The following RBMS3 variants were observed in gnomAD, a reference collection of about 807,000 sequenced individuals.
RBMS3 encodes RNA-binding motif, single-stranded-interacting protein 3.
Under a neutral mutation model 66.8 loss-of-function variants are expected in RBMS3, and 27 were observed. The observed-to-expected ratio is 0.40, with a 90% CI of 0.30 to 0.56. The LOEUF (loss-of-function observed/expected upper bound fraction) is 0.56, where lower values mean the gene tolerates loss of function less well. Among genes scored for constraint, RBMS3 ranks in the 20% least tolerant of loss-of-function variants. RBMS3 has a pLI of 0.40. For missense variants in RBMS3, 513 were observed against 549.5 expected (o/e 0.93, Z 0.66); for synonymous variants, 188 against 183.0 (o/e 1.03, Z -0.22).
At chr3:29,346,142 C>T (rs1240574228) in intron 1 of RBMS3, among the ~76,000 whole-genome samples, 2 of 152,168 alleles carry the variant, frequency 1.3e-5, no homozygotes, top group East Asian at 3.9e-4. Context: ...CCCATATTGA[C>T]ATAAGACAGT....
At chr3:29,524,602 A>ATTTTTTTTTT (rs1273815210) in intron 3 of RBMS3, among the ~76,000 whole-genome samples, 2 of 148,606 alleles carry the variant, frequency 1.3e-5, no homozygotes, top group South Asian at 2.2e-4. Context: ...CAACTTTTGC[A>ATTTTTTTTTT]TTTTATTTAT....
At chr3:29,741,545 A>G (rs373033830) in intron 5 of RBMS3, among the ~76,000 whole-genome samples, 7 of 152,208 alleles carry the variant, frequency 4.6e-5, no homozygotes, top group Admixed American at 3.9e-4. Flanking sequence ...CCAATAAATT[A>G]GTTTCTCCTT....
intron 10 of RBMS3, among the ~76,000 whole-genome samples, chr3:29,924,373 CTTTTCTT>C (rs1038396532): frequency 3.8e-4 from 57 of 151,990 alleles, no homozygotes; most frequent in Admixed American, 1.8e-3. Flanking sequence ...GAAGGGTTTT[CTTTTCTT>C]TTTTCTTTTT....
At chr3:29,840,676 G>A (rs1031668191) in intron 6 of RBMS3, among the ~76,000 whole-genome samples, 3 of 151,926 alleles carry the variant, frequency 2.0e-5, no homozygotes, top group African/African-American at 4.8e-5. Context: ...AGAACTGCTG[G>A]CATATGATAG....
At chr3:29,897,242 C>T in intron 8 of RBMS3, 137 bp from the exon 9 acceptor site, 2 of 684,498 alleles carry the variant, frequency 2.9e-6, no homozygotes, top group Non-Finnish European at 5.1e-6. Flanking sequence ...TGTAAATCTC[C>T]TAGACGTTCT....
At chr3:29,355,734 G>A (rs1365042266) in intron 1 of RBMS3, among the ~76,000 whole-genome samples, 1 of 152,110 alleles carries the variant, frequency 6.6e-6, no homozygotes, top group Non-Finnish European at 1.5e-5. Context: ...AGCATTGAGT[G>A]TATAGTACTT....
intron 4 of RBMS3, among the ~76,000 whole-genome samples, chr3:29,702,365 A>G (rs1376199426): frequency 6.6e-6 from 1 of 152,166 alleles, no homozygotes; most frequent in Non-Finnish European, 1.5e-5. Context: ...AAACAGACCA[A>G]TCAGCTCTCT....
chr3:29,574,084 A>G (rs890970847), intron 3 of RBMS3, among the ~76,000 whole-genome samples: 2 of 152,208 alleles, frequency 1.3e-5, no homozygotes, highest in African/African-American at 4.8e-5. Context: ...CATATTTTCT[A>G]TACTGCAGAT....
At chr3:29,605,853 CAAG>C (rs2048303922) in intron 4 of RBMS3, among the ~76,000 whole-genome samples, 1 of 151,726 alleles carries the variant, frequency 6.6e-6, no homozygotes, top group African/African-American at 2.4e-5. Flanking sequence ...ATTGCACTTC[CAAG>C]AAGATCGTCA....
intron 8 of RBMS3, among the ~76,000 whole-genome samples, chr3:29,896,764 G>T (rs2060132165): frequency 6.6e-6 from 1 of 151,508 alleles, no homozygotes; most frequent in African/African-American, 2.4e-5. Context: ...GGCTCTGGAG[G>T]ACTAGAAAAT....
intron 1 of RBMS3, among the ~76,000 whole-genome samples, chr3:29,306,900 T>C (rs1014851059): frequency 6.6e-6 from 1 of 151,952 alleles, no homozygotes; most frequent in African/African-American, 2.4e-5. Flanking sequence ...ACCTTTTTCC[T>C]CTTCTTCACT....
At chr3:29,906,665 A>C (rs1299834479) in intron 10 of RBMS3, among the ~76,000 whole-genome samples, 1 of 152,110 alleles carries the variant, frequency 6.6e-6, no homozygotes, top group Non-Finnish European at 1.5e-5. Context: ...TTAATTGTTC[A>C]AAAGTATTGC....
intron 5 of RBMS3, among the ~76,000 whole-genome samples, chr3:29,748,203 CA>C (rs1461895211): frequency 6.6e-6 from 1 of 151,672 alleles, no homozygotes; most frequent in African/African-American, 2.4e-5. Flanking sequence ...ACAATCCTGG[CA>C]AAGAGAAAAG....
intron 1 of RBMS3, among the ~76,000 whole-genome samples, chr3:29,354,448 G>T (rs1395965311): frequency 6.6e-6 from 1 of 152,016 alleles, no homozygotes; most frequent in African/African-American, 2.4e-5. Context: ...TAACCTAGTG[G>T]TAAATTCTGT....
chr3:29,899,816 T>C (rs2060211741), intron 10 of RBMS3, 61 bp downstream of exon 10: 2 of 1,513,746 alleles, frequency 1.3e-6, no homozygotes, highest in Non-Finnish European at 1.8e-6. Context: ...GCTTTTGGAA[T>C]GCATAGAAGC....
At chr3:29,498,246 C>T (rs2043836620) in intron 3 of RBMS3, among the ~76,000 whole-genome samples, 2 of 151,662 alleles carry the variant, frequency 1.3e-5, no homozygotes, top group South Asian at 2.1e-4. Flanking sequence ...CCACCTGCCT[C>T]GGCCTCCCAA....
rs1158002612 is a variant in RBMS3, at chr3:29,897,428, A to G, written c.841A>G (p.Thr281Ala). The G allele has an allele frequency of 1.9e-6, 3 of 1,611,240 alleles. No homozygotes were observed. The African/African-American group carries it at 4.0e-5, about 22-fold the overall frequency. ...TGCAACCAACCGCATGATTCCACAGACATCTATCACGCCATTCATTGCTGC... is the reference window on the plus strand; with the variant it reads ...TGCAACCAACCGCATGATTCCACAGGCATCTATCACGCCATTCATTGCTGC... ...SIATNRMIPQ[T>A]SITPFIAASP... The change falls in exon 9 of 15, where the codon ACA becomes GCA. Residue 281 changes from threonine (T) to alanine (A), a missense_variant. By Grantham distance (58) the Thr-to-Ala change is moderately conservative. Coordinates refer to ENST00000383767, the MANE Select transcript of RBMS3 (RefSeq NM_001003793.3).
chr3:29,381,272 T>A (rs1312323472), intron 1 of RBMS3, among the ~76,000 whole-genome samples: 1 of 152,284 alleles, frequency 6.6e-6, no homozygotes, highest in Admixed American at 6.5e-5. Flanking sequence ...TGTGAGCCTG[T>A]AAGAGAAGCA....
intron 4 of RBMS3, among the ~76,000 whole-genome samples, chr3:29,700,672 C>CT (rs11434343): frequency 0.011 from 1,506 of 137,998 alleles, 21 homozygotes; most frequent in African/African-American, 0.033. Flanking sequence ...TTATTTCAGA[C>CT]TTTTTTTTTT....
Sources: gnomAD v4.1 joint callset for allele counts (sites outside exome capture counted in the v4.1 genomes callset) on GRCh38, gnomAD v4.1.1 for gene constraint, MANE v1.5 for transcripts, NCBI Gene and HGNC (gene_info 2026-07-23, HGNC 2026-07-21) for gene names.